TMEM164: variants seen among roughly 807,000 people sequenced by gnomAD.
TMEM164 encodes the protein transmembrane protein 164, also known as RP13-360B22.2.
A neutral mutation model predicts 18.8 loss-of-function variants in TMEM164; 4 were observed. The observed-to-expected ratio is 0.21, with a 90% CI of 0.10 to 0.49. The LOEUF is 0.49. Among genes scored for constraint, TMEM164 ranks in the 20% least tolerant of loss-of-function variants. The pLI is 0.98. For missense variants in TMEM164, 108 were observed against 239.9 expected, an observed-to-expected ratio of 0.45 and a Z score of 3.63; for synonymous variants, 86 against 101.7, an observed-to-expected ratio of 0.85 and a Z score of 0.93.
intron 4 of TMEM164, among the ~76,000 whole-genome samples, chrX:110,136,317 T>C (rs1265074764): frequency 2.7e-5 from 3 of 111,150 alleles, no homozygotes; most frequent in Non-Finnish European, 5.7e-5. Flanking sequence ...TCACAAGTGG[T>C]ATTTCGTCCT....
chrX:110,100,712 C>G (rs1332684400), intron 3 of TMEM164, among the ~76,000 whole-genome samples: 3 of 110,719 alleles, frequency 2.7e-5, no homozygotes, highest in Admixed American at 9.6e-5. Flanking sequence ...GCTGGGACTA[C>G]AGGCGCCCAC....
intron 4 of TMEM164, among the ~76,000 whole-genome samples, chrX:110,140,061 T>C (rs2066747144): frequency 9.0e-6 from 1 of 111,316 alleles, no homozygotes; most frequent in Non-Finnish European, 1.9e-5. Flanking sequence ...TTGCTAAATA[T>C]TGATACCGCA....
chrX:110,046,220 C>T (rs1245212355), intron 2 of TMEM164: 1 of 753,209 alleles, frequency 1.3e-6, no homozygotes, highest in Non-Finnish European at 1.6e-6. Flanking sequence ...GTGTTCCTGG[C>T]AAACAGTGAG....
intron 4 of TMEM164, among the ~76,000 whole-genome samples, chrX:110,131,880 A>T (rs968520906): frequency 1.8e-4 from 20 of 112,105 alleles, no homozygotes; most frequent in Admixed American, 1.4e-3. Flanking sequence ...CTCAGTTTGA[A>T]GAAGTGATAA....
downstream of TMEM164, among the ~76,000 whole-genome samples, chrX:110,181,675 G>A (rs1033367610): frequency 8.9e-6 from 1 of 112,776 alleles, no homozygotes; most frequent in Non-Finnish European, 1.9e-5. Context: ...TCCCTTTCAG[G>A]TCCCGAGTGC....
intron 2 of TMEM164, among the ~76,000 whole-genome samples, chrX:110,022,844 G>C (rs1352588196): frequency 8.9e-6 from 1 of 112,237 alleles, no homozygotes; most frequent in Non-Finnish European, 1.9e-5. Context: ...TTTATGACCA[G>C]AAAATGCTAG....
chrX:110,040,963 C>T (rs182153255), intron 2 of TMEM164, among the ~76,000 whole-genome samples: 1 of 111,734 alleles, frequency 8.9e-6, no homozygotes, highest in Non-Finnish European at 1.9e-5. Flanking sequence ...TTCTGTGAAA[C>T]AAATCCGTTT....
chrX:110,169,183 C>A (rs1393732940), intron 5 of TMEM164, among the ~76,000 whole-genome samples: 1 of 111,800 alleles, frequency 8.9e-6, no homozygotes, highest in Non-Finnish European at 1.9e-5. Context: ...TCCACATACA[C>A]CTCAATTTCA....
intron 2 of TMEM164, among the ~76,000 whole-genome samples, chrX:110,023,023 G>C (rs1175787570): frequency 8.9e-6 from 1 of 112,263 alleles, no homozygotes; most frequent in African/African-American, 3.2e-5. Flanking sequence ...ACTCTGTTCT[G>C]TCGCCCTTGA....
chrX:110,148,675 A>ATTTTTTTT (rs373500523), intron 5 of TMEM164, among the ~76,000 whole-genome samples: 141 of 67,873 alleles, frequency 2.1e-3, no homozygotes, highest in East Asian at 3.6e-3. Flanking sequence ...CACCCGGCTC[A>ATTTTTTTT]TTTTTTTTTT....
intron 2 of TMEM164, among the ~76,000 whole-genome samples, chrX:110,066,933 C>T (rs1011470754): frequency 9.0e-6 from 1 of 111,511 alleles, no homozygotes; most frequent in Non-Finnish European, 1.9e-5. Flanking sequence ...AACTGGGCAT[C>T]CTGTATTTTT....
At chrX:110,031,240 G>GT (rs1472970868) in intron 2 of TMEM164, among the ~76,000 whole-genome samples, 5 of 112,058 alleles carry the variant, frequency 4.5e-5, no homozygotes, top group Admixed American at 9.5e-5. Context: ...TTAACTGATT[G>GT]TTTTTTATGG....
At chrX:110,055,213 T>C (rs764264202) in intron 2 of TMEM164, 7 of 335,321 alleles carry the variant, frequency 2.1e-5, no homozygotes, top group South Asian at 1.9e-4. Flanking sequence ...AATTTCTTTT[T>C]TCTTGACAAG....
At chrX:110,042,003 TA>T (rs1489318336) in intron 2 of TMEM164, among the ~76,000 whole-genome samples, 1 of 112,056 alleles carries the variant, frequency 8.9e-6, no homozygotes, top group African/African-American at 3.2e-5. Context: ...ATACTACATT[TA>T]AAAAAATTAG....
At chrX:110,017,384 C>T (rs1402846004) in intron 2 of TMEM164, among the ~76,000 whole-genome samples, 1 of 76,280 alleles carries the variant, frequency 1.3e-5, no homozygotes, top group Non-Finnish European at 2.8e-5. Context: ...TGAGGATCTC[C>T]TGGCTGCAGG....
chrX:110,070,159 T>C (rs1421251389), intron 3 of TMEM164, among the ~76,000 whole-genome samples: 1 of 110,784 alleles, frequency 9.0e-6, no homozygotes, highest in Admixed American at 9.6e-5. Context: ...CTACTAAAAA[T>C]ACAAAAATTA....
intron 3 of TMEM164, among the ~76,000 whole-genome samples, chrX:110,070,307 C>A (rs1006433925): frequency 9.0e-6 from 1 of 111,278 alleles, no homozygotes; most frequent in African/African-American, 3.3e-5. Flanking sequence ...CAGAGTGAGA[C>A]TCTGTCTCAA....
At chrX:110,069,360 A>G (rs1383487172) in intron 3 of TMEM164, among the ~76,000 whole-genome samples, 1 of 111,234 alleles carries the variant, frequency 9.0e-6, no homozygotes, top group Non-Finnish European at 1.9e-5. Context: ...TAATGGATGC[A>G]GTTTCTTGGC....
In TMEM164 at chrX:110,004,087, G is replaced by A; in HGVS notation, c.313G>A (p.Val105Met). ...AGTAGCCCTGTGCCTGACCTTCGGGGTGGAGGTGGGCTTTAAGTTCGCCAC... is the reference window on the plus strand; with the variant it reads ...AGTAGCCCTGTGCCTGACCTTCGGGATGGAGGTGGGCTTTAAGTTCGCCAC... The part of the protein sequence containing the change: ...LLVALCLTFG[V>M]EVGFKFATKT... Residue 105 changes from valine (V) to methionine (M), a missense_variant, in exon 2 of 7, where the codon GTG becomes ATG. Coordinates refer to ENST00000372068, the MANE Select transcript of TMEM164 (RefSeq NM_032227.4). 1.7e-6 allele frequency: 2 copies of A among 1,210,769 alleles called. No homozygotes were observed.
Sources: gnomAD v4.1 joint callset for allele counts (sites outside exome capture counted in the v4.1 genomes callset) on GRCh38, gnomAD v4.1.1 for gene constraint, MANE v1.5 for transcripts, NCBI Gene and HGNC (gene_info 2026-07-23, HGNC 2026-07-21) for gene names.